PIK3C2A: variants seen among roughly 807,000 people sequenced by gnomAD.
PIK3C2A encodes the protein phosphatidylinositol 4-phosphate 3-kinase C2 domain-containing subunit alpha.
PIK3C2A carries 97 observed loss-of-function variants against 204.5 expected under a neutral mutation model. The ratio of observed to expected loss-of-function variants is 0.47; its 90% CI spans 0.40 to 0.56. The LOEUF is 0.56. Ranked by LOEUF, PIK3C2A falls within the 20% of genes least tolerant of loss-of-function variation. The pLI is 0.00. For synonymous variants in PIK3C2A, 653 were observed against 664.4 expected (o/e 0.98, Z 0.26); for missense variants, 1,735 against 1,969.2 (o/e 0.88, Z 2.25).
intron 1 of PIK3C2A, among the ~76,000 whole-genome samples, chr11:17,201,382 C>T (rs2137583500): frequency 6.6e-6 from 1 of 151,404 alleles, no homozygotes; most frequent in South Asian, 2.1e-4. Context: ...CAAAAATTAG[C>T]CGGGCGTGGT....
chr11:17,117,708 G>GTTTTTT (rs35485246), intron 18 of PIK3C2A, 37 bp from the exon 19 acceptor site: 77 of 319,442 alleles, frequency 2.4e-4, no homozygotes, highest in African/African-American at 3.3e-4. Context: ...TCACGTCTTG[G>GTTTTTT]TTTTTTTTTT....
At chr11:17,197,553 T>G (rs1240488384) in intron 1 of PIK3C2A, among the ~76,000 whole-genome samples, 1 of 152,144 alleles carries the variant, frequency 6.6e-6, no homozygotes, top group Non-Finnish European at 1.5e-5. Context: ...ATGATAATTT[T>G]CTATGTCTGC....
At chr11:17,156,739 G>C (rs555006894) in intron 2 of PIK3C2A, among the ~76,000 whole-genome samples, 92 of 152,320 alleles carry the variant, frequency 6.0e-4, no homozygotes, top group Non-Finnish European at 1.1e-3. Context: ...CTTTCTGCTA[G>C]AATGTGATAT....
chr11:17,145,351 T>C (rs886340233), intron 8 of PIK3C2A, among the ~76,000 whole-genome samples: 1 of 152,034 alleles, frequency 6.6e-6, no homozygotes, highest in Non-Finnish European at 1.5e-5. Context: ...TGGGGGTGGT[T>C]TCCCCCATGC....
intron 13 of PIK3C2A, among the ~76,000 whole-genome samples, chr11:17,126,464 C>T (rs1274920763): frequency 6.6e-6 from 1 of 152,098 alleles, no homozygotes; most frequent in Admixed American, 6.6e-5. Flanking sequence ...CATTTGGCTT[C>T]AATAATAGTG....
chr11:17,094,522 G>T (rs1444344143), intron 27 of PIK3C2A, 137 bp from the exon 28 acceptor site: 1 of 592,844 alleles, frequency 1.7e-6, no homozygotes, highest in Non-Finnish European at 2.9e-6. Flanking sequence ...TCAGGAGTTT[G>T]AGACCAGCCT....
chr11:17,187,731 C>T (rs1287368473), intron 1 of PIK3C2A, among the ~76,000 whole-genome samples: 1 of 151,790 alleles, frequency 6.6e-6, no homozygotes, highest in Non-Finnish European at 1.5e-5. Context: ...ATGGGAAAGG[C>T]CATAGACTGA....
At chr11:17,112,798 C>T in intron 20 of PIK3C2A, 132 bp from the exon 21 acceptor site, 2 of 425,512 alleles carry the variant, frequency 4.7e-6, no homozygotes, top group Admixed American at 8.6e-5. Flanking sequence ...ATTTTTATTT[C>T]TGTTAGAGAC....
chr11:17,102,352 G>A (rs1848664617), intron 24 of PIK3C2A, among the ~76,000 whole-genome samples: 1 of 152,198 alleles, frequency 6.6e-6, no homozygotes, highest in African/African-American at 2.4e-5. Flanking sequence ...CAGGAGAATG[G>A]CGTGAACCCG....
intron 1 of PIK3C2A, among the ~76,000 whole-genome samples, chr11:17,203,704 G>A: frequency 6.6e-6 from 1 of 152,028 alleles, no homozygotes; most frequent in East Asian, 1.9e-4. Flanking sequence ...TTGAGACAGT[G>A]TCTCACTCTG....
intron 2 of PIK3C2A, among the ~76,000 whole-genome samples, chr11:17,167,967 G>C (rs1037018142): frequency 6.6e-6 from 1 of 151,688 alleles, no homozygotes; most frequent in Non-Finnish European, 1.5e-5. Context: ...AAAACAAAAT[G>C]CGTGAGAATT....
intron 1 of PIK3C2A, among the ~76,000 whole-genome samples, chr11:17,176,136 T>G (rs1031120517): frequency 1.3e-4 from 19 of 151,842 alleles, no homozygotes; most frequent in African/African-American, 4.3e-4. Flanking sequence ...CCTGAGTAGC[T>G]AGGATTACAG....
rs577874347 is a variant in PIK3C2A at position 17,089,894 on chromosome 11, T to G, written c.4905A>C (p.Glu1635Asp). 1 of 1,611,360 alleles carries G rather than the reference T, an allele frequency of 6.2e-7. No homozygotes were observed. Among genetic ancestry groups the G allele is most frequent in the South Asian group, 1.1e-5 (1 of 90,684 alleles). Residue 1635 changes from glutamate to aspartate, a missense_variant, in exon 33 of 33, where the codon GAA becomes GAC. This residue lies in a region of PIK3C2A where 503 missense variants were observed against 669.0 expected (regional missense o/e 0.75). Transcript: ENST00000691414. ...EMLVYSGYSK[E>D]TLRQRELQLS... ...GTTGAAGTTCTCGCTGTCTTAGGGT[T>G]TCTTTGCTATATCCACTGTATACAA...
chr11:17,192,949 G>A (rs1851991603), intron 1 of PIK3C2A, among the ~76,000 whole-genome samples: 1 of 152,254 alleles, frequency 6.6e-6, no homozygotes, highest in South Asian at 2.1e-4. Flanking sequence ...GATTAGGCCA[G>A]GAGGGCATAG....
At chr11:17,170,500 C>T (rs1851121596) in intron 1 of PIK3C2A, among the ~76,000 whole-genome samples, 1 of 152,178 alleles carries the variant, frequency 6.6e-6, no homozygotes, top group South Asian at 2.1e-4. Context: ...CATTTCTATT[C>T]TGATTCTCTG....
At chr11:17,125,606 C>T (rs1330183559) in intron 13 of PIK3C2A, among the ~76,000 whole-genome samples, 1 of 151,954 alleles carries the variant, frequency 6.6e-6, no homozygotes, top group African/African-American at 2.4e-5. Context: ...ACTCCACCTC[C>T]CGGGTTCAAG....
At chr11:17,098,562 A>T (rs1848520546) in intron 26 of PIK3C2A, among the ~76,000 whole-genome samples, 1 of 152,236 alleles carries the variant, frequency 6.6e-6, no homozygotes, top group African/African-American at 2.4e-5. Flanking sequence ...GCAGACGAAT[A>T]CATGCCTGCT....
chr11:17,186,831 T>C (rs1207620642), intron 1 of PIK3C2A, among the ~76,000 whole-genome samples: 1 of 152,180 alleles, frequency 6.6e-6, no homozygotes, highest in Admixed American at 6.5e-5. Context: ...ATCCCAGCAC[T>C]TTGGGAGGCC....
In PIK3C2A at chr11:17,144,770, C is replaced by A. The variant is rs141263455; in HGVS notation, c.1704+898G>T. On this transcript the variant is annotated intron_variant, in intron 8 of 32. Coordinates refer to ENST00000691414, the MANE Select transcript of PIK3C2A (RefSeq NM_002645.4). The stretch of plus-strand genomic sequence containing the variant: ...AATTAACCAGACATGGTGATGCATG[C>A]CTCTAATCCCAGCTACTCAGGAGGC... 1.5e-3 allele frequency among the ~76,000 whole-genome samples: 230 copies of A among 151,914 alleles called. 1 individual carries two copies. Among genetic ancestry groups the A allele is most frequent in the Admixed American group, 1.2e-3 (18 of 15,248 alleles).
Sources: allele counts gnomAD v4.1 joint callset (sites outside exome capture counted in the v4.1 genomes callset), GRCh38; gene constraint gnomAD v4.1.1; regional missense constraint gnomAD v4.1.1; transcripts MANE v1.5; gene names NCBI Gene and HGNC (gene_info 2026-07-23, HGNC 2026-07-21).